CYB5R3: variants seen among roughly 807,000 people sequenced by gnomAD.
CYB5R3 encodes the protein NADH-cytochrome b5 reductase 3.
A neutral mutation model predicts 36.5 loss-of-function variants in CYB5R3; 28 were observed. The ratio of observed to expected loss-of-function variants is 0.77; its 90% confidence interval spans 0.57 to 1.05. CYB5R3 has a LOEUF of 1.05. CYB5R3 is among the 50% of genes least tolerant of loss of function. CYB5R3 has a pLI of 0.00. For synonymous variants in CYB5R3, 181 were observed against 159.8 expected (o/e 1.13, Z -1.00); for missense variants, 474 against 408.9 (o/e 1.16, Z -1.37).
At chr22:42,630,705 G>A (rs545309790) in intron 4 of CYB5R3, among the ~76,000 whole-genome samples, 177 bp downstream of exon 4, 9 of 152,306 alleles carry the variant, frequency 5.9e-5, no homozygotes, top group Non-Finnish European at 1.0e-4. Flanking sequence ...ACATGGACTC[G>A]AGAGGGGCTC....
At chr22:42,626,475 C>T (rs1208859812) in intron 7 of CYB5R3, among the ~76,000 whole-genome samples, 4 of 152,164 alleles carry the variant, frequency 2.6e-5, no homozygotes, top group Non-Finnish European at 5.9e-5. Flanking sequence ...AGGTGACAGA[C>T]GGTCTGACGG....
At chr22:42,637,503 G>C (rs780862902) in intron 1 of CYB5R3, among the ~76,000 whole-genome samples, 2 of 152,102 alleles carry the variant, frequency 1.3e-5, no homozygotes, top group Non-Finnish European at 2.9e-5. Flanking sequence ...CTGAGCCCTG[G>C]GGTTCTGCCA....
rs745324570 is a variant in CYB5R3 at position 42,627,592 on chromosome 22, G to A, written c.547+13C>T. 6.2e-7 allele frequency: 1 copy of A among 1,611,964 alleles called. No homozygotes were observed. The highest frequency in any genetic ancestry group is 1.1e-5 in the South Asian group (1 of 91,044). The stretch of plus-strand genomic sequence containing the variant: ...ATGAGCCGCCGGACGCCTCAGTGGG[G>A]GGTTCCGTGTACCTGTCCCTCCCGC... On this transcript the variant is annotated intron_variant, in intron 6 of 8. Transcript: ENST00000352397.
intron 4 of CYB5R3, among the ~76,000 whole-genome samples, chr22:42,630,358 G>C (rs1161074338): frequency 1.3e-5 from 2 of 152,140 alleles, no homozygotes. Context: ...GTAAGAACAG[G>C]GCCTGCGTGT....
intron 1 of CYB5R3, 22 bp from the exon 2 acceptor site, chr22:42,636,868 G>A (rs1213226024): frequency 6.2e-6 from 10 of 1,610,650 alleles, no homozygotes; most frequent in Non-Finnish European, 8.5e-6. Context: ...GGACCCGCGG[G>A]GTCAGTGCAG....
Position 42,630,863 on chromosome 22 carries a change from C to A in CYB5R3, c.333+19G>T. On this transcript the variant is annotated intron_variant, in intron 4 of 8. Coordinates refer to ENST00000352397, the MANE Select transcript of CYB5R3 (RefSeq NM_000398.7). Reference sequence around the variant, plus strand: ...CACCCACCCACACCCCCTCCACAGTCATGACCCAGAGGCTTCACCTTGATG... The same window carrying A: ...CACCCACCCACACCCCCTCCACAGTAATGACCCAGAGGCTTCACCTTGATG... 6.2e-7 allele frequency: 1 copy of A among 1,602,230 alleles called. No homozygotes were observed. Among genetic ancestry groups the A allele is most frequent in the South Asian group, 1.1e-5 (1 of 89,448 alleles).
intron 1 of CYB5R3, chr22:42,640,206 CAAGT>C: frequency 1.9e-6 from 3 of 1,605,234 alleles, no homozygotes; most frequent in South Asian, 1.1e-5. Flanking sequence ...ATCGAGGCTT[CAAGT>C]AAGTCACAGC....
At chr22:42,631,073 C>T (rs1007934708) in intron 3 of CYB5R3, 85 bp from the exon 4 acceptor site, 8 of 1,235,160 alleles carry the variant, frequency 6.5e-6, no homozygotes, top group Non-Finnish European at 8.2e-6. Flanking sequence ...CCCTGCACCC[C>T]ACCCGGCATT....
Position 42,618,702 on chromosome 22 carries a change from C to G in CYB5R3, c.*1071G>C, listed in dbSNP as rs957741067. ...CAGCCTGGGTGACAAAGGGAGACTC[C>G]GTCTCAAAAAAAAAAAAAAAAGAAA... On this transcript the variant is annotated 3_prime_UTR_variant, in exon 9 of 9. Transcript: ENST00000352397. 1 of 132,258 alleles carries G rather than the reference C, an allele frequency of 7.6e-6. No individual in the cohort carries two copies. Among genetic ancestry groups the G allele is most frequent in the Admixed American group, 7.3e-5 (1 of 13,756 alleles). 8.2% of individuals were successfully genotyped at this position (132,258 alleles called of 1,614,324 possible).
Position 42,618,330 on chromosome 22 carries a change from G to A in CYB5R3, c.*1443C>T, listed in dbSNP as rs535394976. ...AGGCGGGCGGATCACGAGGTCAGGA[G>A]ATCGAGACCATCCCGGCTAAAACGG... On this transcript the variant is annotated 3_prime_UTR_variant, in exon 9 of 9. Coordinates refer to ENST00000352397, the MANE Select transcript of CYB5R3 (RefSeq NM_000398.7). 3.4e-3 allele frequency: 510 copies of A among 151,534 alleles called. 6 individuals are homozygous for A. The highest frequency in any genetic ancestry group is 0.012 in the African/African-American group (480 of 40,934). 9.4% of individuals were successfully genotyped at this position (151,534 alleles called of 1,614,324 possible).
At chr22:42,621,714 T>C (rs948224655) in intron 8 of CYB5R3, among the ~76,000 whole-genome samples, 2 of 152,246 alleles carry the variant, frequency 1.3e-5, no homozygotes, top group Admixed American at 6.5e-5. Flanking sequence ...GGGTCAGCAC[T>C]GGCCCCTCCC....
intron 1 of CYB5R3, among the ~76,000 whole-genome samples, chr22:42,637,171 G>T (rs1021233697): frequency 6.6e-6 from 1 of 152,196 alleles, no homozygotes; most frequent in Non-Finnish European, 1.5e-5. Flanking sequence ...TGGCTACTAG[G>T]AAGCTCAGAG....
intron 4 of CYB5R3, 50 bp downstream of exon 4, chr22:42,630,832 C>T (rs571678062): frequency 1.3e-6 from 2 of 1,502,416 alleles, no homozygotes; most frequent in African/African-American, 2.7e-5. Context: ...GGGCTGTTGC[C>T]ATGGCCACCC....
chr22:42,630,892 A>G lies in CYB5R3; in HGVS notation c.323T>C (p.Leu108Pro). ...ACCCAGAGGCTTCACCTTGATGACCAGGTCCACGAAGCCCTTGTCATCATC... is the reference window on the plus strand; with the variant it reads ...ACCCAGAGGCTTCACCTTGATGACCGGGTCCACGAAGCCCTTGTCATCATC... ...SSDDDKGFVD[L>P]VIKVYFKDTH... Residue 108 changes from leucine to proline, a missense_variant, in exon 4 of 9, where the codon CTG becomes CCG. Transcript: ENST00000352397. The G allele has an allele frequency of 6.2e-7, 1 of 1,613,038 alleles. No homozygotes were observed. Among genetic ancestry groups the G allele is most frequent in the Non-Finnish European group, 8.5e-7 (1 of 1,179,542 alleles).
intron 1 of CYB5R3, among the ~76,000 whole-genome samples, chr22:42,643,012 A>G (rs1929360524): frequency 1.3e-5 from 2 of 152,130 alleles, no homozygotes; most frequent in Non-Finnish European, 2.9e-5. Flanking sequence ...AGGCCTCTCT[A>G]CTTGCTTTGT....
At chr22:42,639,278 C>G (rs541534431) in intron 1 of CYB5R3, among the ~76,000 whole-genome samples, 1 of 148,852 alleles carries the variant, frequency 6.7e-6, no homozygotes, top group Non-Finnish European at 1.5e-5. Flanking sequence ...GAGCTGAGAT[C>G]GTGCCACTGC....
intron 1 of CYB5R3, among the ~76,000 whole-genome samples, chr22:42,647,267 C>T (rs1361555771): frequency 6.6e-6 from 1 of 152,156 alleles, no homozygotes; most frequent in African/African-American, 2.4e-5. Flanking sequence ...GGTCTCCCGA[C>T]TCCCAGGCAG....
At chr22:42,620,676 G>A (rs1188207628) in intron 8 of CYB5R3, among the ~76,000 whole-genome samples, 1 of 152,204 alleles carries the variant, frequency 6.6e-6, no homozygotes, top group Non-Finnish European at 1.5e-5. Context: ...CAAGTTTACA[G>A]CATACACTCC....
In CYB5R3 at chr22:42,636,687, C is replaced by A. The variant is rs780612308; in HGVS notation, c.153+28G>T. Reference sequence around the variant, plus strand: ...GTGCTGGGCAATGCTGTGATGCTGACGAGGCAGCGGCGGCGGCCGGCACTC... The same window carrying A: ...GTGCTGGGCAATGCTGTGATGCTGAAGAGGCAGCGGCGGCGGCCGGCACTC... On this transcript the variant is annotated intron_variant, in intron 2 of 8. Coordinates refer to ENST00000352397, the MANE Select transcript of CYB5R3 (RefSeq NM_000398.7). The A allele has an allele frequency of 3.7e-6, 6 of 1,606,438 alleles. No homozygotes were observed. In the East Asian group the frequency reaches 8.9e-5, roughly 24 times the overall value.
Sources: gnomAD v4.1 joint callset for allele counts (sites outside exome capture counted in the v4.1 genomes callset) on GRCh38, gnomAD v4.1.1 for gene constraint, MANE v1.5 for transcripts, NCBI Gene and HGNC (gene_info 2026-07-23, HGNC 2026-07-21) for gene names.